The following GALNT13 variants were observed in gnomAD, a reference collection of about 807,000 sequenced individuals.
GALNT13 encodes the protein UDP-GalNAc:polypeptide N-acetylgalactosaminyltransferase 13.
A neutral mutation model predicts 64.2 loss-of-function variants in GALNT13; 28 were observed. That is an observed-to-expected ratio of 0.44 (90% CI 0.32 to 0.60). The LOEUF (loss-of-function observed/expected upper bound fraction) is 0.60. GALNT13 is among the 20% of genes least tolerant of loss of function. The pLI is 0.05. For missense variants in GALNT13, 577 were observed against 669.8 expected (o/e 0.86, Z 1.53); for synonymous variants, 214 against 224.6 (o/e 0.95, Z 0.42).
the GALNT13 span, among the ~76,000 whole-genome samples, chr2:153,831,898 A>G: frequency 6.6e-6 from 1 of 152,058 alleles, no homozygotes; most frequent in Admixed American, 6.6e-5. Context: ...CGTGTGACAT[A>G]TTTCTAGTTA....
chr2:154,166,532 C>G (rs902329377), intron 4 of GALNT13, among the ~76,000 whole-genome samples: 1 of 152,186 alleles, frequency 6.6e-6, no homozygotes, highest in Admixed American at 6.6e-5. Context: ...GTTGGTAGGA[C>G]AGTAAACTAG....
the GALNT13 span, among the ~76,000 whole-genome samples, chr2:153,725,336 T>C: frequency 3.3e-5 from 5 of 151,420 alleles, no homozygotes; most frequent in Non-Finnish European, 4.4e-5. Flanking sequence ...GGGATAGCAT[T>C]GGGAGATATA....
chr2:153,825,822 T>C, the GALNT13 span, among the ~76,000 whole-genome samples: 1 of 152,198 alleles, frequency 6.6e-6, no homozygotes, highest in Non-Finnish European at 1.5e-5. Flanking sequence ...TATTCTACAC[T>C]GCTTCTAGCA....
the GALNT13 span, among the ~76,000 whole-genome samples, chr2:153,105,855 T>C: frequency 1.3e-5 from 2 of 152,140 alleles, no homozygotes; most frequent in African/African-American, 4.8e-5. Flanking sequence ...CACTGCTCAA[T>C]GAAATAAAAG....
the GALNT13 span, among the ~76,000 whole-genome samples, chr2:153,705,240 A>G: frequency 6.6e-6 from 1 of 152,168 alleles, no homozygotes; most frequent in African/African-American, 2.4e-5. Flanking sequence ...AGTCTTGAGT[A>G]AGTCGCTTTC....
chr2:153,517,979 A>G, the GALNT13 span, among the ~76,000 whole-genome samples: 1 of 152,164 alleles, frequency 6.6e-6, no homozygotes. Context: ...GATATGATGC[A>G]CTGAGCAGGA....
chr2:153,906,488 A>G (rs565955083), intron 2 of GALNT13, among the ~76,000 whole-genome samples: 86 of 150,228 alleles, frequency 5.7e-4, no homozygotes, highest in African/African-American at 2.0e-3. Flanking sequence ...GAGTGAGAAC[A>G]TGCAGTGTTT....
At chr2:153,337,511 C>T in the GALNT13 span, among the ~76,000 whole-genome samples, 1 of 152,088 alleles carries the variant, frequency 6.6e-6, no homozygotes, top group Non-Finnish European at 1.5e-5. Context: ...TAAGAATTGA[C>T]AATAATCCTC....
the GALNT13 span, among the ~76,000 whole-genome samples, chr2:153,553,154 A>G: frequency 6.6e-6 from 1 of 152,220 alleles, no homozygotes; most frequent in African/African-American, 2.4e-5. Context: ...AGAAACTAAG[A>G]TATGGAGTGG....
intron 3 of GALNT13, among the ~76,000 whole-genome samples, chr2:154,105,913 C>T (rs866780190): frequency 3.9e-5 from 6 of 152,174 alleles, no homozygotes; most frequent in African/African-American, 1.4e-4. Context: ...AACTGGATAG[C>T]GTATTTCTGA....
intron 9 of GALNT13, among the ~76,000 whole-genome samples, chr2:154,373,470 T>C (rs1697813200): frequency 6.6e-6 from 1 of 152,176 alleles, no homozygotes; most frequent in Admixed American, 6.6e-5. Flanking sequence ...CCTTGAGAGC[T>C]GATTGTCTGG....
intron 3 of GALNT13, among the ~76,000 whole-genome samples, chr2:153,969,170 T>C (rs967119605): frequency 8.5e-5 from 13 of 152,094 alleles, no homozygotes; most frequent in African/African-American, 2.7e-4. Flanking sequence ...GATCCAGATA[T>C]GATCTCACTT....
the GALNT13 span, among the ~76,000 whole-genome samples, chr2:153,702,378 T>G: frequency 8.9e-3 from 1,350 of 152,056 alleles, 22 homozygotes; most frequent in African/African-American, 0.031. Context: ...ACCAAGATGA[T>G]GGGTTAATAG....
At chr2:154,436,991 A>C (rs1462337100) in intron 11 of GALNT13, 1 of 151,928 alleles carries the variant, frequency 6.6e-6, no homozygotes, top group Non-Finnish European at 1.5e-5. Context: ...CAATCTGCCA[A>C]CCTCAGCCTC....
chr2:153,554,724 C>T, the GALNT13 span, among the ~76,000 whole-genome samples: 17 of 151,492 alleles, frequency 1.1e-4, no homozygotes, highest in African/African-American at 3.9e-4. Flanking sequence ...AACTTTGTAC[C>T]TTCATTGTCT....
At chr2:153,202,133 C>T in the GALNT13 span, among the ~76,000 whole-genome samples, 5 of 151,704 alleles carry the variant, frequency 3.3e-5, no homozygotes, top group East Asian at 7.8e-4. Flanking sequence ...TACAGGCGCC[C>T]GCCACCGCGC....
chr2:154,294,060 G>T (rs1269187284), intron 8 of GALNT13, among the ~76,000 whole-genome samples: 2 of 152,098 alleles, frequency 1.3e-5, no homozygotes, highest in Non-Finnish European at 2.9e-5. Flanking sequence ...CCTAGGAAAT[G>T]CAATATCAGC....
At chr2:153,360,851 C>A in the GALNT13 span, among the ~76,000 whole-genome samples, 2 of 152,164 alleles carry the variant, frequency 1.3e-5, no homozygotes, top group African/African-American at 4.8e-5. Flanking sequence ...GCATGGCACA[C>A]CTCCTCCACC....
chr2:153,495,552 C>CA, the GALNT13 span, among the ~76,000 whole-genome samples: 3 of 151,836 alleles, frequency 2.0e-5, no homozygotes, highest in Admixed American at 6.6e-5. Context: ...AAAAAGTACT[C>CA]AAAAAAACAA....
Sources: gnomAD v4.1 joint callset for allele counts (sites outside exome capture counted in the v4.1 genomes callset) on GRCh38, gnomAD v4.1.1 for gene constraint, MANE v1.5 for transcripts, NCBI Gene and HGNC (gene_info 2026-07-23, HGNC 2026-07-21) for gene names.